The following JMJD1C variants were observed in gnomAD, a reference collection of about 807,000 sequenced individuals.
The protein encoded by JMJD1C is jumonji domain-containing protein 1C.
In JMJD1C, 31 loss-of-function variants were observed where a neutral mutation model predicts 245.3. The ratio of observed to expected loss-of-function variants is 0.13; its 90% CI spans 0.09 to 0.17. JMJD1C has a LOEUF of 0.17. Ranked by LOEUF, JMJD1C falls within the 10% of genes least tolerant of loss-of-function variation. The probability of loss-of-function intolerance (pLI) is 1.00; values close to 1 mark genes in which losing one functional copy is unlikely to be tolerated. For missense variants in JMJD1C, 2,691 were observed against 3,000.2 expected (o/e 0.90, Z 2.41); for synonymous variants, 1,057 against 1,017.4 (o/e 1.04, Z -0.74).
At chr10:63,326,592 G>T (rs1941548114) in intron 2 of JMJD1C, among the ~76,000 whole-genome samples, 1 of 150,134 alleles carries the variant, frequency 6.7e-6, no homozygotes, top group Non-Finnish European at 1.5e-5. Flanking sequence ...AAAATACCAG[G>T]AGCTGGGCCA....
At position 63,245,478 on chromosome 10, in the gene JMJD1C, C is replaced by CTTTTTTTTTTTT. The variant is rs71025134; in HGVS notation, c.447+19161_447+19172dup. Among the ~76,000 whole-genome samples, 33 of 90,192 alleles carry CTTTTTTTTTTTT rather than the reference C, an allele frequency of 3.7e-4. 4 individuals are homozygous for CTTTTTTTTTTTT. In the East Asian group the frequency reaches 3.9e-3, roughly 11 times the overall value. 59.2% of individuals were successfully genotyped at this position (90,192 alleles called of 152,430 possible). ...GAGAGGGAGCTTCTGCAGGGGAACT[C>CTTTTTTTTTTTT]TTTTTTTTTTTTTTTTTTTTTGAGA... On this transcript the variant is annotated intron_variant, in intron 3 of 25. Coordinates refer to ENST00000399262, the MANE Select transcript of JMJD1C (RefSeq NM_032776.3).
At chr10:63,260,588 A>C (rs1017202792) in intron 3 of JMJD1C, among the ~76,000 whole-genome samples, 4 of 152,032 alleles carry the variant, frequency 2.6e-5, no homozygotes, top group African/African-American at 9.7e-5. Flanking sequence ...GTAACAACAA[A>C]AAAAAAACTA....
chr10:63,297,315 A>G (rs1040586845), intron 2 of JMJD1C, among the ~76,000 whole-genome samples: 12 of 152,120 alleles, frequency 7.9e-5, no homozygotes, highest in African/African-American at 2.9e-4. Flanking sequence ...GTCAGCATGC[A>G]CTTCCTCCAT....
At chr10:63,263,109 C>T (rs1855003856) in intron 3 of JMJD1C, among the ~76,000 whole-genome samples, 1 of 152,132 alleles carries the variant, frequency 6.6e-6, no homozygotes, top group Admixed American at 6.6e-5. Context: ...CTGTAGTAAA[C>T]TAAATGGTAT....
intron 1 of JMJD1C, chr10:63,382,738 A>G: frequency 2.2e-6 from 1 of 454,980 alleles, no homozygotes; most frequent in South Asian, 1.6e-5. Flanking sequence ...TTGCGCTGGA[A>G]GCAGTCTTCT....
At chr10:63,490,759 G>C (rs1386733378) in intron 1 of JMJD1C, among the ~76,000 whole-genome samples, 2 of 152,250 alleles carry the variant, frequency 1.3e-5, no homozygotes, top group Middle Eastern at 3.4e-3. Flanking sequence ...TCACAAGAGT[G>C]AATGAAAGCT....
chr10:63,193,396 G>C lies in JMJD1C; in HGVS notation c.5811C>G (p.Asn1937Lys). The change falls in exon 15 of 26, where the codon AAC becomes AAG. Residue 1937 changes from asparagine (N) to lysine (K), a missense_variant. Transcript: ENST00000399262. ...YGIKSHCHCT[N>K]KQNLQVGNFP... is the part of the protein sequence containing the mutation. ...AATTTCCAACTTGTAAATTCTGTTT[G>C]TTAGTACAATGACAATGGGATTTAA... 1 of 1,602,662 alleles carries C rather than the reference G, an allele frequency of 6.2e-7. No individual in the cohort carries two copies. Among genetic ancestry groups the C allele is most frequent in the Non-Finnish European group, 8.5e-7 (1 of 1,171,884 alleles).
At chr10:63,380,519 T>C (rs117741358) in intron 1 of JMJD1C, 37 bp from the exon 2 acceptor site, 31,092 of 1,539,164 alleles carry the variant, frequency 0.02, 421 homozygotes, top group Middle Eastern at 0.038. Flanking sequence ...ATTAGCAAAA[T>C]AGAAGAGTGG....
Position 63,333,476 on chromosome 10 carries a change from A to ACT in JMJD1C, c.333+46841_333+46842insAG, listed in dbSNP as rs560944565. The stretch of plus-strand genomic sequence containing the variant: ...GAGCAGGTGAAGGGCTTGGCCTACG[A>ACT]GGTTGAGGCTGCAACGACTGCACTC... On this transcript the variant is annotated intron_variant, in intron 2 of 25. Transcript: ENST00000399262. 1.7e-3 allele frequency among the ~76,000 whole-genome samples: 257 copies of ACT among 152,188 alleles called. 2 individuals are homozygous for ACT. The Middle Eastern group carries it at 0.044, about 26-fold the overall frequency.
At chr10:63,433,586 C>CTT (rs539696706) in intron 1 of JMJD1C, among the ~76,000 whole-genome samples, 59 of 86,830 alleles carry the variant, frequency 6.8e-4, no homozygotes, top group African/African-American at 7.5e-4. Context: ...CTTTTCTTTT[C>CTT]TTTTTTTTTT....
At chr10:63,206,329 C>T (rs1050178829) in intron 10 of JMJD1C, among the ~76,000 whole-genome samples, 7 of 152,098 alleles carry the variant, frequency 4.6e-5, no homozygotes, top group South Asian at 2.1e-4. Flanking sequence ...CGTTAAATTA[C>T]GCAAATTACC....
intron 2 of JMJD1C, among the ~76,000 whole-genome samples, chr10:63,321,733 G>A (rs1277379655): frequency 1.3e-5 from 2 of 152,180 alleles, no homozygotes; most frequent in African/African-American, 4.8e-5. Flanking sequence ...AATATCAAAG[G>A]TCTGATACTT....
At chr10:63,254,352 T>A (rs1473587899) in intron 3 of JMJD1C, among the ~76,000 whole-genome samples, 1 of 152,034 alleles carries the variant, frequency 6.6e-6, no homozygotes, top group Non-Finnish European at 1.5e-5. Context: ...GTACGCAAAA[T>A]CTAGGTGAAA....
At chr10:63,172,359 T>G (rs1312781408) in intron 24 of JMJD1C, among the ~76,000 whole-genome samples, 1 of 152,218 alleles carries the variant, frequency 6.6e-6, no homozygotes, top group Non-Finnish European at 1.5e-5. Context: ...AACATTTACA[T>G]GTTTTACAAA....
intron 2 of JMJD1C, among the ~76,000 whole-genome samples, chr10:63,378,420 T>C (rs1489489342): frequency 6.6e-6 from 1 of 151,874 alleles, no homozygotes; most frequent in East Asian, 1.9e-4. Context: ...TGAAACCCAG[T>C]CTCTACTGAA....
intron 3 of JMJD1C, among the ~76,000 whole-genome samples, chr10:63,228,307 G>GT (rs1334719844): frequency 1.3e-5 from 2 of 152,108 alleles, no homozygotes; most frequent in African/African-American, 4.8e-5. Context: ...TTCATAGAAT[G>GT]TTTAGGTGTT....
rs1210310281 is a variant in JMJD1C, at chr10:63,240,279, T to G, written c.448-20296A>C. 6.7e-5 allele frequency among the ~76,000 whole-genome samples: 10 copies of G among 150,288 alleles called. No individual in the cohort carries two copies. The South Asian group carries it at 1.7e-3, about 25-fold the overall frequency. On this transcript the variant is annotated intron_variant, in intron 3 of 25. Coordinates refer to ENST00000399262, the MANE Select transcript of JMJD1C (RefSeq NM_032776.3). ...GAACACTACAGAAAATAAGGAGCAC[T>G]ACAAAAAAAAATCACATAAACACTA...
intron 3 of JMJD1C, among the ~76,000 whole-genome samples, 183 bp from the exon 4 acceptor site, chr10:63,220,166 T>C (rs1013347698): frequency 7.2e-5 from 11 of 152,236 alleles, no homozygotes. Flanking sequence ...AAGAAATTAA[T>C]CTGTGGTAAG....
chr10:63,272,736 T>G (rs1443457593), intron 2 of JMJD1C, among the ~76,000 whole-genome samples: 3 of 152,230 alleles, frequency 2.0e-5, no homozygotes, highest in Non-Finnish European at 4.4e-5. Context: ...CAGCTTAATA[T>G]AACAAACTAT....
Sources: gnomAD v4.1 joint callset for allele counts (sites outside exome capture counted in the v4.1 genomes callset) on GRCh38, gnomAD v4.1.1 for gene constraint, MANE v1.5 for transcripts, NCBI Gene and HGNC (gene_info 2026-07-23, HGNC 2026-07-21) for gene names.